Variants in CNTNAP2 observed in about 807,000 individuals in gnomAD.
CNTNAP2 encodes the protein contactin-associated protein-like 2.
A neutral mutation model predicts 155.2 loss-of-function variants in CNTNAP2; 98 were observed. The ratio of observed to expected loss-of-function variants is 0.63; its 90% CI spans 0.54 to 0.75. The LOEUF is 0.75. Ranked by LOEUF, CNTNAP2 falls within the 30% of genes least tolerant of loss-of-function variation. CNTNAP2 has a pLI of 0.00. For synonymous variants in CNTNAP2, 651 were observed against 631.2 expected (o/e 1.03, Z -0.47); for missense variants, 1,727 against 1,688.1 (o/e 1.02, Z -0.40).
intron 4 of CNTNAP2, among the ~76,000 whole-genome samples, chr7:147,069,703 G>A (rs1454937635): frequency 6.6e-6 from 1 of 152,138 alleles, no homozygotes; most frequent in Non-Finnish European, 1.5e-5. Flanking sequence ...AAACTCATTA[G>A]CTGCTAATCT....
chr7:146,678,002 T>G (rs933430830), intron 1 of CNTNAP2, among the ~76,000 whole-genome samples: 7 of 152,050 alleles, frequency 4.6e-5, no homozygotes, highest in Admixed American at 2.0e-4. Flanking sequence ...TTCTCAACAT[T>G]TAGATATTTG....
chr7:146,577,645 T>C (rs1224513053), intron 1 of CNTNAP2, among the ~76,000 whole-genome samples: 1 of 152,062 alleles, frequency 6.6e-6, no homozygotes, highest in Non-Finnish European at 1.5e-5. Flanking sequence ...AGTATAAAAA[T>C]AAAACTCTTG....
At chr7:147,199,647 T>C (rs1166193678) in intron 8 of CNTNAP2, among the ~76,000 whole-genome samples, 1 of 152,078 alleles carries the variant, frequency 6.6e-6, no homozygotes, top group East Asian at 1.9e-4. Flanking sequence ...TGTTGTTTTT[T>C]ATTGCTAGCT....
At chr7:147,864,772 A>AT in intron 13 of CNTNAP2, among the ~76,000 whole-genome samples, 1 of 152,090 alleles carries the variant, frequency 6.6e-6, no homozygotes, top group Non-Finnish European at 1.5e-5. Flanking sequence ...TTGCACATTG[A>AT]TTTTGTATCC....
chr7:147,121,441 T>C (rs1164254854), intron 6 of CNTNAP2: 1 of 340,992 alleles, frequency 2.9e-6, no homozygotes, highest in African/African-American at 2.1e-5. Flanking sequence ...TCAGAATAAA[T>C]TTAATTTGTA....
chr7:148,169,324 T>A (rs540440611), intron 17 of CNTNAP2, among the ~76,000 whole-genome samples: 1 of 152,314 alleles, frequency 6.6e-6, no homozygotes, highest in Non-Finnish European at 1.5e-5. Flanking sequence ...GTGGAGAAGA[T>A]GAAAATCTCA....
At chr7:146,315,973 C>T (rs999597353) in intron 1 of CNTNAP2, among the ~76,000 whole-genome samples, 9 of 152,130 alleles carry the variant, frequency 5.9e-5, no homozygotes, top group Admixed American at 1.3e-4. Flanking sequence ...TAAATTAAGA[C>T]ATAACTGCTT....
At chr7:148,210,017 G>T (rs571064984) in intron 18 of CNTNAP2, among the ~76,000 whole-genome samples, 1 of 152,098 alleles carries the variant, frequency 6.6e-6, no homozygotes, top group Admixed American at 6.5e-5. Flanking sequence ...TGTAATTTAC[G>T]ACCTGCTAAA....
rs1017433865 is a variant in CNTNAP2, at chr7:147,281,321, T to C, written c.1349-18820T>C. Reference sequence around the variant, plus strand: ...TTGAAATAGGTAAATTCACCAGATTTACAAAATGGATTAGCCAAAAGCTTA... The same window carrying C: ...TTGAAATAGGTAAATTCACCAGATTCACAAAATGGATTAGCCAAAAGCTTA... On this transcript the variant is annotated intron_variant, in intron 8 of 23. Coordinates refer to ENST00000361727, the MANE Select transcript of CNTNAP2 (RefSeq NM_014141.6). Among the ~76,000 whole-genome samples the C allele has an allele frequency of 2.6e-5, 4 of 151,860 alleles. No homozygotes were observed. The South Asian group carries it at 8.3e-4, about 31-fold the overall frequency.
chr7:146,292,023 A>G (rs2129086752), intron 1 of CNTNAP2, among the ~76,000 whole-genome samples: 1 of 152,344 alleles, frequency 6.6e-6, no homozygotes, highest in South Asian at 2.1e-4. Context: ...AAACTCAAAC[A>G]AATATATAGA....
intron 20 of CNTNAP2, among the ~76,000 whole-genome samples, chr7:148,234,781 T>C (rs149559112): frequency 2.1e-4 from 32 of 152,350 alleles, no homozygotes; most frequent in African/African-American, 6.7e-4. Flanking sequence ...ATGAATAAAC[T>C]ACATGTTCTT....
chr7:147,308,036 A>C (rs1443341120), intron 9 of CNTNAP2, among the ~76,000 whole-genome samples: 2 of 152,214 alleles, frequency 1.3e-5, no homozygotes, highest in Non-Finnish European at 2.9e-5. Flanking sequence ...GGGGACAGGA[A>C]GTTCTTGGGA....
intron 8 of CNTNAP2, among the ~76,000 whole-genome samples, chr7:147,271,054 C>T (rs116636264): frequency 0.012 from 1,856 of 152,172 alleles, 44 homozygotes; most frequent in African/African-American, 0.042. Context: ...GTATCTCTAC[C>T]AGCTCATTAC....
chr7:146,645,432 C>T (rs1265174487), intron 1 of CNTNAP2, among the ~76,000 whole-genome samples: 1 of 152,050 alleles, frequency 6.6e-6, no homozygotes, highest in Non-Finnish European at 1.5e-5. Flanking sequence ...GTCTGCATAC[C>T]CCCTGGCCAC....
chr7:146,325,638 A>T (rs1801085174), intron 1 of CNTNAP2, among the ~76,000 whole-genome samples: 1 of 152,030 alleles, frequency 6.6e-6, no homozygotes, highest in African/African-American at 2.4e-5. Context: ...AGAGAGAGAG[A>T]GATTAAATAT....
chr7:146,702,736 CTGA>C (rs1800898183), intron 1 of CNTNAP2, among the ~76,000 whole-genome samples: 1 of 151,950 alleles, frequency 6.6e-6, no homozygotes, highest in South Asian at 2.1e-4. Context: ...TGTCTCAATT[CTGA>C]ATGATTATTA....
In CNTNAP2 at chr7:148,332,789, G is replaced by A. The variant is rs912963897; in HGVS notation, c.3476-50860G>A. Among the ~76,000 whole-genome samples the A allele has an allele frequency of 3.9e-5, 6 of 152,214 alleles. No homozygotes were observed. The East Asian group carries it at 1.2e-3, about 29-fold the overall frequency. ...TCAGGCTGTTTGTCCTTTTTTGAAC[G>A]ATGCTTCAGGGCTCCACGCTGGAAA... On this transcript the variant is annotated intron_variant, in intron 21 of 23. Transcript: ENST00000361727.
chr7:146,430,032 T>C (rs1796149461), intron 1 of CNTNAP2, among the ~76,000 whole-genome samples: 1 of 152,270 alleles, frequency 6.6e-6, no homozygotes, highest in African/African-American at 2.4e-5. Context: ...ATTTATTAAT[T>C]GCATATATTG....
At chr7:146,722,074 G>C (rs1801346687) in intron 1 of CNTNAP2, among the ~76,000 whole-genome samples, 1 of 150,534 alleles carries the variant, frequency 6.6e-6, no homozygotes, top group African/African-American at 2.5e-5. Flanking sequence ...ATTTTTAGTA[G>C]AGACAGGTTT....
Sources: allele counts gnomAD v4.1 joint callset (sites outside exome capture counted in the v4.1 genomes callset), GRCh38; gene constraint gnomAD v4.1.1; transcripts MANE v1.5; gene names NCBI Gene and HGNC (gene_info 2026-07-23, HGNC 2026-07-21).